PRR16: variants seen among roughly 807,000 people sequenced by gnomAD.
PRR16 encodes proline rich 16, also known as protein Largen.
In PRR16, 6 loss-of-function variants were observed where a neutral mutation model predicts 18.2. The observed-to-expected ratio is 0.33, with a 90% CI of 0.18 to 0.65. The LOEUF (loss-of-function observed/expected upper bound fraction) is 0.65, where lower values mean the gene tolerates loss of function less well. Among genes scored for constraint, PRR16 ranks in the 30% least tolerant of loss-of-function variants. The pLI, the probability that PRR16 is intolerant of heterozygous loss-of-function variation, is 0.74. For missense variants in PRR16, 412 were observed against 376.6 expected (o/e 1.09, Z -0.78); for synonymous variants, 151 against 147.8 (o/e 1.02, Z -0.16).
At chr5:120,508,545 GA>G (rs1213102632) in intron 1 of PRR16, among the ~76,000 whole-genome samples, 3 of 151,998 alleles carry the variant, frequency 2.0e-5, no homozygotes, top group Non-Finnish European at 2.9e-5. Flanking sequence ...AGTTGCTTTA[GA>G]AATTAGAAAA....
the PRR16 span, among the ~76,000 whole-genome samples, chr5:120,763,359 G>C: frequency 2.2e-3 from 335 of 152,080 alleles, 3 homozygotes; most frequent in East Asian, 0.024. Flanking sequence ...TGTTGGCCAG[G>C]CTGACCTCAA....
At chr5:120,756,845 G>A in the PRR16 span, among the ~76,000 whole-genome samples, 1 of 151,920 alleles carries the variant, frequency 6.6e-6, no homozygotes, top group Non-Finnish European at 1.5e-5. Context: ...TTGCTTTTTA[G>A]AACTTAGTAT....
At chr5:120,754,560 TATA>T in the PRR16 span, among the ~76,000 whole-genome samples, 1 of 66,558 alleles carries the variant, frequency 1.5e-5, no homozygotes, top group Non-Finnish European at 2.5e-5. Context: ...TAATATATAT[TATA>T]TAATATATTT....
intron 1 of PRR16, among the ~76,000 whole-genome samples, chr5:120,669,490 G>C (rs1756520264): frequency 6.6e-6 from 1 of 151,870 alleles, no homozygotes; most frequent in African/African-American, 2.4e-5. Context: ...TATTAGAATA[G>C]GTAGATATTA....
At chr5:120,731,350 G>A in the PRR16 span, among the ~76,000 whole-genome samples, 4 of 152,116 alleles carry the variant, frequency 2.6e-5, no homozygotes, top group Non-Finnish European at 5.9e-5. Context: ...ATAATGATTG[G>A]GAGCTTCAAT....
At chr5:120,762,047 T>C in the PRR16 span, among the ~76,000 whole-genome samples, 1 of 152,138 alleles carries the variant, frequency 6.6e-6, no homozygotes, top group South Asian at 2.1e-4. Context: ...AGTGACAGAA[T>C]TTCAGTCTTT....
At chr5:120,482,754 A>C (rs1405529426) in intron 1 of PRR16, among the ~76,000 whole-genome samples, 2 of 152,116 alleles carry the variant, frequency 1.3e-5, no homozygotes, top group African/African-American at 2.4e-5. Context: ...CAGAGTAAGA[A>C]CCTTGTATGC....
intron 1 of PRR16, among the ~76,000 whole-genome samples, chr5:120,657,162 TA>T: frequency 6.6e-6 from 1 of 152,112 alleles, no homozygotes; most frequent in East Asian, 1.9e-4. Flanking sequence ...CATAGAGCTC[TA>T]AAGGTAAATT....
chr5:120,761,158 G>A, the PRR16 span, among the ~76,000 whole-genome samples: 7 of 151,804 alleles, frequency 4.6e-5, no homozygotes, highest in Admixed American at 6.6e-5. Context: ...TGTATCTATT[G>A]CTTCATATGT....
intron 1 of PRR16, among the ~76,000 whole-genome samples, chr5:120,496,052 C>T (rs1232612425): frequency 2.0e-5 from 3 of 151,806 alleles, no homozygotes; most frequent in Admixed American, 6.6e-5. Context: ...CAAATATTTT[C>T]ACCAATTGAT....
chr5:120,544,635 A>G (rs751068425), intron 1 of PRR16, among the ~76,000 whole-genome samples: 12 of 152,048 alleles, frequency 7.9e-5, no homozygotes, highest in Non-Finnish European at 1.8e-4. Flanking sequence ...TCTGTTCTGT[A>G]TATTTTTATT....
Position 120,483,499 on chromosome 5 carries a change from A to T in PRR16, c.159+18854A>T, listed in dbSNP as rs138230196. ...TTCTCACAGAAGATTTGCTAAACTC[A>T]ATACATTTGACATTATTTCTCAAAT... is the stretch of plus-strand genomic sequence containing the variant. On this transcript the variant is annotated intron_variant, in intron 1 of 1. Transcript: ENST00000407149. Among the ~76,000 whole-genome samples the T allele has an allele frequency of 3.7e-4, 56 of 152,230 alleles. No homozygotes were observed. The East Asian group carries it at 9.8e-3, about 27-fold the overall frequency.
chr5:120,588,187 A>T (rs1334325872), intron 1 of PRR16, among the ~76,000 whole-genome samples: 1 of 152,212 alleles, frequency 6.6e-6, no homozygotes, highest in South Asian at 2.1e-4. Flanking sequence ...GTTTCTTGAG[A>T]TGATATCTAC....
the PRR16 span, among the ~76,000 whole-genome samples, chr5:120,760,656 C>T: frequency 6.6e-6 from 1 of 152,096 alleles, no homozygotes; most frequent in Non-Finnish European, 1.5e-5. Flanking sequence ...TTTCATTTTT[C>T]CTGACCACAG....
chr5:120,565,826 T>G (rs956458154), intron 1 of PRR16, among the ~76,000 whole-genome samples: 2 of 152,228 alleles, frequency 1.3e-5, no homozygotes, highest in African/African-American at 4.8e-5. Context: ...TTGGACTTAC[T>G]ATAATTGCAA....
At chr5:120,733,753 G>T in the PRR16 span, among the ~76,000 whole-genome samples, 8,069 of 152,060 alleles carry the variant, frequency 0.053, 271 homozygotes, top group South Asian at 0.079. Flanking sequence ...TTAATGAATT[G>T]ATTAAAATAG....
At chr5:120,709,033 A>C in the PRR16 span, among the ~76,000 whole-genome samples, 1 of 99,584 alleles carries the variant, frequency 1.0e-5, no homozygotes, top group African/African-American at 4.3e-5. Context: ...TTTGAGACAG[A>C]GTCTTGCTCT....
At chr5:120,680,022 C>A (rs2150153210) in intron 1 of PRR16, among the ~76,000 whole-genome samples, 1 of 152,164 alleles carries the variant, frequency 6.6e-6, no homozygotes, top group South Asian at 2.1e-4. Flanking sequence ...AAATGGGTAA[C>A]TATGTGAGAT....
rs544747110 is a variant in PRR16, at chr5:120,493,193, C to G, written c.159+28548C>G. Among the ~76,000 whole-genome samples, 411 of 151,966 alleles carry G rather than the reference C, an allele frequency of 2.7e-3. 1 individual carries two copies. The highest frequency in any genetic ancestry group is 3.8e-3 in the Non-Finnish European group (260 of 67,950). Reference sequence around the variant, plus strand: ...CCCACCAGCAGTGTAAAATGGTTCTCTTTTCACCACATCTACACCAACATC... The same window carrying G: ...CCCACCAGCAGTGTAAAATGGTTCTGTTTTCACCACATCTACACCAACATC... On this transcript the variant is annotated intron_variant, in intron 1 of 1. Transcript: ENST00000407149.
Sources: gnomAD v4.1 joint callset for allele counts (sites outside exome capture counted in the v4.1 genomes callset) on GRCh38, gnomAD v4.1.1 for gene constraint, MANE v1.5 for transcripts, NCBI Gene and HGNC (gene_info 2026-07-23, HGNC 2026-07-21) for gene names.